PRDX1: variants seen among roughly 807,000 people sequenced by gnomAD.
PRDX1 encodes the protein peroxiredoxin 1.
PRDX1 carries 19 observed loss-of-function variants against 20.7 expected under a neutral mutation model. The observed-to-expected ratio is 0.92, with a 90% CI of 0.64 to 1.35. PRDX1 has a LOEUF of 1.35. Ranked by LOEUF, PRDX1 falls within the 40% of genes most tolerant of loss-of-function variation. The pLI, the probability that PRDX1 is intolerant of heterozygous loss-of-function variation, is 0.00. For synonymous variants in PRDX1, 89 were observed against 83.9 expected (o/e 1.06, Z -0.33); for missense variants, 226 against 240.0 (o/e 0.94, Z 0.38).
rs756556677 is a variant in PRDX1, at chr1:45,518,944, A to T, written c.100T>A (p.Tyr34Asn). The T allele has an allele frequency of 6.9e-6, 11 of 1,596,506 alleles. No homozygotes were observed. Among genetic ancestry groups the T allele is most frequent in the Non-Finnish European group, 9.4e-6 (11 of 1,168,954 alleles). ...CCAGTGTTAATTCTCTCACCTTTGTAGTCAGACAGGCTGATATCTTTAAAC... is the reference window on the plus strand; with the variant it reads ...CCAGTGTTAATTCTCTCACCTTTGTTGTCAGACAGGCTGATATCTTTAAAC... ...GQFKDISLSD[Y>N]KGKYVVFFFY... The change falls in exon 2 of 6, where the codon TAC becomes AAC. Residue 34 changes from tyrosine to asparagine, a missense_variant. Coordinates refer to ENST00000319248, the MANE Select transcript of PRDX1 (RefSeq NM_181697.3).
intron 2 of PRDX1, among the ~76,000 whole-genome samples, chr1:45,516,472 A>G (rs911903301): frequency 6.6e-6 from 1 of 152,140 alleles, no homozygotes; most frequent in African/African-American, 2.4e-5. Flanking sequence ...ACAGAAATAT[A>G]TATATACATA....
At position 45,521,856 on chromosome 1, in the gene PRDX1, A is replaced by C. The variant is rs535642130; in HGVS notation, c.-39T>G. The C allele has an allele frequency of 6.5e-6, 1 of 152,740 alleles. No homozygotes were observed. Among genetic ancestry groups the C allele is most frequent in the African/African-American group, 2.4e-5 (1 of 41,458 alleles). 9.5% of individuals were successfully genotyped at this position (152,740 alleles called of 1,614,324 possible). On this transcript the variant is annotated 5_prime_UTR_variant, in exon 1 of 6. Coordinates refer to ENST00000319248, the MANE Select transcript of PRDX1 (RefSeq NM_181697.3). ...GTCCCAACACAAGTCGCAGAAACTA[A>C]CCACCGACACCAGGCAAGAACAAGA...
At chr1:45,515,874 C>T (rs1643854040) in intron 2 of PRDX1, 67 bp from the exon 3 acceptor site, 3 of 1,416,328 alleles carry the variant, frequency 2.1e-6, no homozygotes, top group Non-Finnish European at 2.8e-6. Context: ...TTTTCCTATA[C>T]AAAAAGAAGC....
chr1:45,514,874 T>C lies in PRDX1; in HGVS notation c.382A>G (p.Arg128Gly). 6.2e-7 allele frequency: 1 copy of C among 1,614,134 alleles called. No individual in the cohort carries two copies. The highest frequency in any genetic ancestry group is 8.5e-7 in the Non-Finnish European group (1 of 1,179,980). The change falls in exon 4 of 6, where the codon AGG becomes GGG. Residue 128 changes from arginine (R) to glycine (G), a missense_variant and splice_region_variant. Coordinates refer to ENST00000319248, the MANE Select transcript of PRDX1 (RefSeq NM_181697.3). ...TGGATACTTGTCCTGATGACATACC[T>C]GAACGAGATGCCTTCATCAGCCTTT... ...VLKADEGISF[R>G]GLFIIDDKGI...
chr1:45,514,769 C>G, intron 4 of PRDX1, 104 bp downstream of exon 4: 1 of 1,570,872 alleles, frequency 6.4e-7, no homozygotes, highest in African/African-American at 1.4e-5. Context: ...GAGGAGGCCC[C>G]TGCATAAAGG....
At chr1:45,522,854 C>T (rs996072918), upstream of PRDX1, 4 of 152,224 alleles carry the variant, frequency 2.6e-5, no homozygotes, top group African/African-American at 7.2e-5. Flanking sequence ...AAGCGATTCT[C>T]CCGCCTCACC....
intron 3 of PRDX1, 112 bp from the exon 4 acceptor site, chr1:45,515,107 T>C: frequency 5.5e-6 from 8 of 1,458,102 alleles, no homozygotes; most frequent in Non-Finnish European, 6.5e-6. Context: ...GACTGTTTTT[T>C]TTCCGTTTTC....
intron 4 of PRDX1, 39 bp downstream of exon 4, chr1:45,514,830 TAAAA>T: frequency 1.2e-6 from 2 of 1,612,058 alleles, no homozygotes; most frequent in Non-Finnish European, 1.7e-6. Flanking sequence ...TCTCTCCAAA[TAAAA>T]GGCTTTCAGC....
intron 5 of PRDX1, chr1:45,513,184 C>A (rs1432656017): frequency 6.6e-6 from 1 of 152,102 alleles, no homozygotes; most frequent in Non-Finnish European, 1.5e-5. Flanking sequence ...TATGGATTAA[C>A]CTCTTCTCTC....
In PRDX1 at chr1:45,515,705, T is replaced by C. The variant is rs777940810; in HGVS notation, c.209A>G (p.Asn70Ser). The C allele has an allele frequency of 5.6e-6, 9 of 1,607,246 alleles. No homozygotes were observed. The highest frequency in any genetic ancestry group is 3.4e-5 in the Admixed American group (2 of 58,550). Residue 70 changes from asparagine to serine, a missense_variant, in exon 3 of 6, where the codon AAC (asparagine) becomes AGC (serine). Asn to Ser is a conservative substitution (Grantham distance 46). Coordinates refer to ENST00000319248, the MANE Select transcript of PRDX1 (RefSeq NM_181697.3). ...SDRAEEFKKL[N>S]CQVIGASVDS... ...CACAGAAGCACCAATCACTTGGCAGTTGAGTTTCTTAAATTCTTCTGCCCT... is the reference window on the plus strand; with the variant it reads ...CACAGAAGCACCAATCACTTGGCAGCTGAGTTTCTTAAATTCTTCTGCCCT...
chr1:45,522,266 C>G (rs34367785), upstream of PRDX1, among the ~76,000 whole-genome samples: 71 of 152,330 alleles, frequency 4.7e-4, no homozygotes, highest in African/African-American at 1.6e-3. Context: ...TCTAACCACA[C>G]CAAGCCATGA....
intron 2 of PRDX1, among the ~76,000 whole-genome samples, chr1:45,516,866 C>T (rs1329396732): frequency 6.6e-6 from 1 of 151,774 alleles, no homozygotes; most frequent in African/African-American, 2.4e-5. Flanking sequence ...ACTAAAAATA[C>T]AAAAATTAGC....
chr1:45,514,134 G>A (rs1643812278), intron 5 of PRDX1, among the ~76,000 whole-genome samples: 2 of 152,326 alleles, frequency 1.3e-5, no homozygotes, highest in South Asian at 4.1e-4. Flanking sequence ...TTAAGGCATT[G>A]AGATGTTTAT....
At chr1:45,517,846 A>C in intron 2 of PRDX1, among the ~76,000 whole-genome samples, 1 of 54,256 alleles carries the variant, frequency 1.8e-5, no homozygotes, top group African/African-American at 5.8e-5. Context: ...TGTAATATCA[A>C]CTCTCCTCCG....
intron 2 of PRDX1, among the ~76,000 whole-genome samples, chr1:45,518,291 C>T (rs997365649): frequency 6.6e-6 from 1 of 151,692 alleles, no homozygotes; most frequent in African/African-American, 2.4e-5. Flanking sequence ...GGAGAAACCC[C>T]GTCTCTACTA....
At chr1:45,512,949 C>T (rs1363952684) in intron 5 of PRDX1, 2 of 152,186 alleles carry the variant, frequency 1.3e-5, no homozygotes, top group Non-Finnish European at 2.9e-5. Context: ...ACCTTTGGGT[C>T]TTCCCAAACA....
intron 1 of PRDX1, among the ~76,000 whole-genome samples, chr1:45,520,825 A>G (rs4660868): frequency 0.72 from 107,224 of 148,670 alleles, 38,709 homozygotes; most frequent in East Asian, 0.91. Context: ...AATTGCTTGA[A>G]TTCGGGAGAC....
Position 45,515,661 on chromosome 1 carries a change from G to A in PRDX1, c.253C>T (p.Leu85=). The change falls in exon 3 of 6, where the codon CTA becomes TTA. Residue 85 remains leucine (L), a synonymous_variant. Transcript: ENST00000319248. ...GASVDSHFCH[L]AWVNTPKKQG... ...ATAGACCAAGAGATTTACCATGCTA[G>A]ATGACAGAAGTGAGAATCCACAGAA... 1 of 1,554,380 alleles carries A rather than the reference G, an allele frequency of 6.4e-7. No individual in the cohort carries two copies. The highest frequency in any genetic ancestry group is 8.7e-7 in the Non-Finnish European group (1 of 1,149,766).
At chr1:45,516,457 AAAC>A (rs1378514789) in intron 2 of PRDX1, among the ~76,000 whole-genome samples, 6 of 152,228 alleles carry the variant, frequency 3.9e-5, no homozygotes, top group Admixed American at 2.6e-4. Context: ...GACTGTCTCA[AAAC>A]AACAGAAATA....
Sources: gnomAD v4.1 joint callset for allele counts (sites outside exome capture counted in the v4.1 genomes callset) on GRCh38, gnomAD v4.1.1 for gene constraint, MANE v1.5 for transcripts, NCBI Gene and HGNC (gene_info 2026-07-23, HGNC 2026-07-21) for gene names.